The following MANSC4 variants were observed in gnomAD, a reference collection of about 807,000 sequenced individuals.
The protein encoded by MANSC4 is MANSC domain containing 4.
A neutral mutation model predicts 11.4 loss-of-function variants in MANSC4; 11 were observed. The observed-to-expected ratio is 0.97, with a 90% confidence interval of 0.61 to 1.60. The LOEUF (loss-of-function observed/expected upper bound fraction) is 1.60. Ranked by LOEUF, MANSC4 falls within the 40% of genes most tolerant of loss-of-function variation. MANSC4 has a pLI of 0.00. For missense variants in MANSC4, 354 were observed against 404.6 expected, an observed-to-expected ratio of 0.88 and a Z score of 1.07; for synonymous variants, 123 against 147.1, an observed-to-expected ratio of 0.84 and a Z score of 1.19.
In MANSC4 at chr12:27,771,250, G is replaced by C; in HGVS notation, c.27C>G (p.Asn9Lys). The change falls in exon 2 of 4, where the codon AAC becomes AAG. Residue 9 changes from asparagine (N) to lysine (K), a missense_variant. Physicochemically the swap from Asn to Lys is moderately conservative, Grantham distance 94. Transcript: ENST00000381273. The part of the protein sequence containing the change: MHVAEVAV[N>K]VILLLSMGWT... The stretch of plus-strand genomic sequence containing the variant: ...ACCCCATGCTTAGGAGCAATATCAC[G>C]TTCACTGCTACCTCTGCCACATGCA... The C allele has an allele frequency of 6.4e-7, 1 of 1,550,934 alleles. No individual in the cohort carries two copies. Among genetic ancestry groups the C allele is most frequent in the Non-Finnish European group, 8.7e-7 (1 of 1,147,056 alleles).
intron 2 of MANSC4, 106 bp from the exon 3 acceptor site, chr12:27,766,905 A>AT: frequency 8.2e-7 from 1 of 1,217,074 alleles, no homozygotes; most frequent in Non-Finnish European, 1.1e-6. Context: ...GATTAACAGT[A>AT]TTTTTCAGGG....
At chr12:27,765,797 C>T (rs994892032) in intron 3 of MANSC4, among the ~76,000 whole-genome samples, 2 of 152,184 alleles carry the variant, frequency 1.3e-5, no homozygotes, top group Non-Finnish European at 2.9e-5. Context: ...AGAAATTTAT[C>T]TCCTTTGCAT....
chr12:27,767,134 C>G (rs2062075683), intron 2 of MANSC4, among the ~76,000 whole-genome samples: 1 of 152,052 alleles, frequency 6.6e-6, no homozygotes. Context: ...CACGCATCAC[C>G]ATGCTGGGCT....
chr12:27,778,861 T>A (rs2062130270), intron 1 of MANSC4, among the ~76,000 whole-genome samples: 1 of 152,286 alleles, frequency 6.6e-6, no homozygotes, highest in East Asian at 1.9e-4. Context: ...TGAGAGAACA[T>A]AGGAAACAAG....
chr12:27,765,106 GA>G (rs1565476081), intron 3 of MANSC4, among the ~76,000 whole-genome samples: 1 of 152,172 alleles, frequency 6.6e-6, no homozygotes, highest in African/African-American at 2.4e-5. Flanking sequence ...CAAAGTGCTG[GA>G]ATTACAGGCG....
chr12:27,766,789 G>A lies in MANSC4; in HGVS notation c.240C>T (p.Asn80=), dbSNP rs1034442901. Reference sequence around the variant, plus strand: ...TAGGACTGTGGTAGAAGACAGCCAGGTTACAGGAAACTGAAAGGGAAACAA... The same window carrying A: ...TAGGACTGTGGTAGAAGACAGCCAGATTACAGGAAACTGAAAGGGAAACAA... ...SCCLRKDVSC[N]LAVFYHSPIH... The change falls in exon 3 of 4, where the codon AAC becomes AAT. Residue 80 remains asparagine, a synonymous_variant. Coordinates refer to ENST00000381273, the MANE Select transcript of MANSC4 (RefSeq NM_001146221.5). 21 of 1,550,668 alleles carry A rather than the reference G, an allele frequency of 1.4e-5. No individual in the cohort carries two copies. In the East Asian group the frequency reaches 1.5e-4, roughly 11 times the overall value.
intron 2 of MANSC4, among the ~76,000 whole-genome samples, chr12:27,769,050 CTGTG>C (rs1476580730): frequency 1.3e-5 from 2 of 152,208 alleles, no homozygotes; most frequent in Non-Finnish European, 2.9e-5. Flanking sequence ...GTAAGGTGAA[CTGTG>C]AGGAGTTAAT....
intron 1 of MANSC4, among the ~76,000 whole-genome samples, chr12:27,773,655 CAAGAGTCCCAGGTGATTTCCT>C (rs1047678101): frequency 6.6e-6 from 1 of 152,152 alleles, no homozygotes; most frequent in African/African-American, 2.4e-5. Context: ...CTTATTTTTA[CAAGAGTCCCAGGTGATTTCCT>C]AAGATGTTTG....
intron 2 of MANSC4, among the ~76,000 whole-genome samples, chr12:27,769,049 A>G (rs1242397435): frequency 1.3e-5 from 2 of 152,198 alleles, no homozygotes; most frequent in African/African-American, 4.8e-5. Flanking sequence ...TGTAAGGTGA[A>G]CTGTGAGGAG....
chr12:27,768,594 G>C (rs2062085066), intron 2 of MANSC4, among the ~76,000 whole-genome samples: 1 of 151,264 alleles, frequency 6.6e-6, no homozygotes. Context: ...CTGCAGTGCA[G>C]TAGAGACCAT....
intron 1 of MANSC4, among the ~76,000 whole-genome samples, chr12:27,772,801 C>T (rs1390959776): frequency 6.6e-6 from 1 of 152,060 alleles, no homozygotes; most frequent in Non-Finnish European, 1.5e-5. Flanking sequence ...AAATTACTCT[C>T]GATATTTTAT....
intron 2 of MANSC4, among the ~76,000 whole-genome samples, chr12:27,768,416 A>AG (rs1439565435): frequency 2.2e-4 from 24 of 110,484 alleles, no homozygotes; most frequent in Non-Finnish European, 3.3e-4. Flanking sequence ...AAAAAAAAAA[A>AG]AAAAAAGAAA....
rs12580675 is a variant in MANSC4 at position 27,777,308 on chromosome 12, C to G, written c.-307+2902G>C. The stretch of plus-strand genomic sequence containing the variant: ...CAAAAGCATCCATTGGTGAAAGATT[C>G]AAGAGACAGAGGAGAGACTGAGAGC... On this transcript the variant is annotated intron_variant, in intron 1 of 3. Transcript: ENST00000381273. Among the ~76,000 whole-genome samples, 186 of 152,294 alleles carry G rather than the reference C, an allele frequency of 1.2e-3. 8 individuals carry two copies. In the East Asian group the frequency reaches 0.032, roughly 26 times the overall value.
At chr12:27,764,328 C>T (rs1591807968) in intron 3 of MANSC4, among the ~76,000 whole-genome samples, 2 of 152,266 alleles carry the variant, frequency 1.3e-5, no homozygotes, top group East Asian at 3.9e-4. Flanking sequence ...TCCGTTGCTT[C>T]TGAGGTAGTC....
chr12:27,770,426 C>T (rs1484235741), intron 2 of MANSC4, among the ~76,000 whole-genome samples: 2 of 146,808 alleles, frequency 1.4e-5, no homozygotes, highest in Non-Finnish European at 3.1e-5. Context: ...AGTGATCCAC[C>T]CACCTCGGCC....
At chr12:27,770,295 C>T (rs1219353989) in intron 2 of MANSC4, among the ~76,000 whole-genome samples, 2 of 152,080 alleles carry the variant, frequency 1.3e-5, no homozygotes, top group Non-Finnish European at 2.9e-5. Context: ...ATTCTCCAAA[C>T]TCAGCCCCCC....
intron 1 of MANSC4, among the ~76,000 whole-genome samples, chr12:27,776,568 G>A (rs11049140): frequency 0.16 from 24,902 of 151,840 alleles, 2,541 homozygotes; most frequent in Non-Finnish European, 0.23. Flanking sequence ...CGTCCCCACA[G>A]AAAATGTAAG....
At chr12:27,776,608 T>G (rs1190400644) in intron 1 of MANSC4, among the ~76,000 whole-genome samples, 1 of 151,966 alleles carries the variant, frequency 6.6e-6, no homozygotes, top group African/African-American at 2.4e-5. Flanking sequence ...CGCAGGCCTG[T>G]ATTCTCAGCT....
intron 2 of MANSC4, among the ~76,000 whole-genome samples, chr12:27,768,155 T>C (rs2062081484): frequency 6.6e-6 from 1 of 152,036 alleles, no homozygotes; most frequent in Non-Finnish European, 1.5e-5. Context: ...TCCTAGTACT[T>C]TGGGAGGCCA....
Sources: allele counts gnomAD v4.1 joint callset (sites outside exome capture counted in the v4.1 genomes callset), GRCh38; gene constraint gnomAD v4.1.1; transcripts MANE v1.5; gene names NCBI Gene and HGNC (gene_info 2026-07-23, HGNC 2026-07-21).